The following VEPH1 variants were observed in gnomAD, a reference collection of about 807,000 sequenced individuals.
VEPH1 encodes ventricular zone-expressed PH domain-containing protein homolog 1.
In VEPH1, 80 loss-of-function variants were observed where a neutral mutation model predicts 85.2. That is an observed-to-expected ratio of 0.94 (90% confidence interval 0.78 to 1.13). The LOEUF is 1.13. Ranked by LOEUF, VEPH1 falls within the 50% of genes most tolerant of loss-of-function variation. The pLI, the probability that VEPH1 is intolerant of heterozygous loss-of-function variation, is 0.00. For missense variants in VEPH1, 955 were observed against 980.5 expected (o/e 0.97, Z 0.35); for synonymous variants, 297 against 348.0 (o/e 0.85, Z 1.63).
At chr3:157,287,911 A>C (rs1716988160) in intron 11 of VEPH1, among the ~76,000 whole-genome samples, 2 of 152,300 alleles carry the variant, frequency 1.3e-5, no homozygotes, top group East Asian at 3.9e-4. Context: ...TTTACCAATA[A>C]ATTAGTTAAC....
At position 157,461,086 on chromosome 3, in the gene VEPH1, A is replaced by G. The variant is rs113666754; in HGVS notation, c.355-731T>C. Among the ~76,000 whole-genome samples, 268 of 152,324 alleles carry G rather than the reference A, an allele frequency of 1.8e-3. 1 individual carries two copies. Among genetic ancestry groups the G allele is most frequent in the African/African-American group, 6.1e-3 (255 of 41,566 alleles). ...TCAGCTAATTAGATTCAGAGGAAAAAAAATAAATGAATGTAAGATTAAAAC... is the reference window on the plus strand; with the variant it reads ...TCAGCTAATTAGATTCAGAGGAAAAGAAATAAATGAATGTAAGATTAAAAC... On this transcript the variant is annotated intron_variant, in intron 3 of 13. Transcript: ENST00000362010.
intron 9 of VEPH1, among the ~76,000 whole-genome samples, chr3:157,341,445 T>C (rs1723549327): frequency 6.6e-6 from 1 of 152,072 alleles, no homozygotes; most frequent in Non-Finnish European, 1.5e-5. Flanking sequence ...ATCAAATCAA[T>C]GGAACGAAGT....
intron 6 of VEPH1, among the ~76,000 whole-genome samples, chr3:157,387,510 C>A (rs1729426181): frequency 6.6e-6 from 1 of 152,156 alleles, no homozygotes; most frequent in Non-Finnish European, 1.5e-5. Context: ...AATCAAGATT[C>A]ATCTGATTCC....
At chr3:157,275,545 C>A (rs993881429) in intron 12 of VEPH1, among the ~76,000 whole-genome samples, 1 of 151,700 alleles carries the variant, frequency 6.6e-6, no homozygotes, top group South Asian at 2.1e-4. Context: ...CATTGCATAC[C>A]AGTCTGGTGG....
At chr3:157,381,669 A>T in intron 6 of VEPH1, 3 of 374,038 alleles carry the variant, frequency 8.0e-6, no homozygotes, top group Non-Finnish European at 1.5e-5. Context: ...CAGTGAGCCA[A>T]GATTGTGCCA....
At chr3:157,436,163 G>A (rs1468171756) in intron 4 of VEPH1, among the ~76,000 whole-genome samples, 1 of 152,070 alleles carries the variant, frequency 6.6e-6, no homozygotes, top group Non-Finnish European at 1.5e-5. Context: ...TGTAATTCCA[G>A]CTACTTGGGA....
At chr3:157,373,227 C>CT (rs1042666722) in intron 7 of VEPH1, among the ~76,000 whole-genome samples, 51 of 152,280 alleles carry the variant, frequency 3.3e-4, no homozygotes, top group African/African-American at 1.2e-3. Context: ...CACACTTCCT[C>CT]TAAGTAGGTG....
rs2108223761 is a variant in VEPH1, at chr3:157,260,928, A to G, written c.*206T>C. The G allele has an allele frequency of 1.6e-6, 1 of 621,944 alleles. No homozygotes were observed. Among genetic ancestry groups the G allele is most frequent in the East Asian group, 3.0e-5 (1 of 33,822 alleles). The allele number at this position is 621,944 out of a possible 1,614,324, so 38.5% of individuals were successfully genotyped here. On this transcript the variant is annotated 3_prime_UTR_variant, in exon 14 of 14. Coordinates refer to ENST00000362010, the MANE Select transcript of VEPH1 (RefSeq NM_001167912.2). ...TATTTTATTTTTGTGGGCATCAGAT[A>G]TATTCTGAAGTCAATACTAAAGCTG...
At chr3:157,480,229 G>A (rs1054349699) in intron 2 of VEPH1, among the ~76,000 whole-genome samples, 1 of 151,768 alleles carries the variant, frequency 6.6e-6, no homozygotes, top group Admixed American at 6.6e-5. Flanking sequence ...TAGGTCTGTT[G>A]CCAATGAATT....
At chr3:157,349,984 T>G (rs1724684606) in intron 9 of VEPH1, among the ~76,000 whole-genome samples, 1 of 152,112 alleles carries the variant, frequency 6.6e-6, no homozygotes, top group African/African-American at 2.4e-5. Context: ...ACCATCAAAA[T>G]GCCTATGACA....
chr3:157,483,815 T>C (rs1738369604), intron 2 of VEPH1, among the ~76,000 whole-genome samples: 1 of 152,184 alleles, frequency 6.6e-6, no homozygotes, highest in Admixed American at 6.5e-5. Context: ...TCTCAATGCC[T>C]AGAATATTGC....
At chr3:157,308,672 T>G (rs1719780261) in intron 11 of VEPH1, among the ~76,000 whole-genome samples, 1 of 152,120 alleles carries the variant, frequency 6.6e-6, no homozygotes, top group Admixed American at 6.5e-5. Flanking sequence ...TCTTAGAATT[T>G]AAATTGGAAC....
chr3:157,499,999 GA>G, intron 1 of VEPH1, among the ~76,000 whole-genome samples: 1 of 152,286 alleles, frequency 6.6e-6, no homozygotes, highest in South Asian at 2.1e-4. Flanking sequence ...TAAAATTGTT[GA>G]AAGTTGAAGT....
At chr3:157,492,845 T>TA (rs1739339974) in intron 2 of VEPH1, among the ~76,000 whole-genome samples, 1 of 152,056 alleles carries the variant, frequency 6.6e-6, no homozygotes, top group African/African-American at 2.4e-5. Flanking sequence ...GTGGCCCACT[T>TA]ATTTGAAGGA....
chr3:157,470,579 C>T lies in VEPH1; in HGVS notation c.139-50G>A, dbSNP rs761038408. ...TTAAATAATACTCTAGAAAGTTATC[C>T]TTCAAAGGACAAAATACTAACTCAG... On this transcript the variant is annotated intron_variant, in intron 2 of 13. Transcript: ENST00000362010. The T allele has an allele frequency of 3.8e-6, 6 of 1,574,214 alleles. No individual in the cohort carries two copies. The South Asian group carries it at 4.5e-5, about 12-fold the overall frequency.
At chr3:157,333,738 G>A (rs1265122791) in intron 9 of VEPH1, among the ~76,000 whole-genome samples, 1 of 152,180 alleles carries the variant, frequency 6.6e-6, no homozygotes, top group Non-Finnish European at 1.5e-5. Context: ...CATTCCATGT[G>A]CTACCAATTA....
At chr3:157,388,655 G>A (rs1005882770) in intron 6 of VEPH1, among the ~76,000 whole-genome samples, 1 of 151,844 alleles carries the variant, frequency 6.6e-6, no homozygotes, top group Non-Finnish European at 1.5e-5. Flanking sequence ...CATATTGGAG[G>A]GTTCTACATC....
intron 2 of VEPH1, among the ~76,000 whole-genome samples, chr3:157,494,949 T>A (rs1412857670): frequency 6.6e-6 from 1 of 152,166 alleles, no homozygotes. Flanking sequence ...AATATTTTTG[T>A]GAGAATTCCA....
At chr3:157,272,536 C>T (rs922942136) in intron 12 of VEPH1, among the ~76,000 whole-genome samples, 4 of 150,882 alleles carry the variant, frequency 2.7e-5, no homozygotes, top group Non-Finnish European at 5.9e-5. Flanking sequence ...TGACTCACTG[C>T]AGCCTCCAGA....
Sources: allele counts gnomAD v4.1 joint callset (sites outside exome capture counted in the v4.1 genomes callset), GRCh38; gene constraint gnomAD v4.1.1; transcripts MANE v1.5; gene names NCBI Gene and HGNC (gene_info 2026-07-23, HGNC 2026-07-21).